C12orf42: variants seen among roughly 807,000 people sequenced by gnomAD.
C12orf42 encodes the protein uncharacterized protein C12orf42.
Under a neutral mutation model 21.6 loss-of-function variants are expected in C12orf42, and 25 were observed. The ratio of observed to expected loss-of-function variants is 1.16; its 90% confidence interval spans 0.84 to 1.62. The LOEUF (loss-of-function observed/expected upper bound fraction) is 1.62. Ranked by LOEUF, C12orf42 falls within the 40% of genes most tolerant of loss-of-function variation. C12orf42 has a pLI of 0.00. For missense variants in C12orf42, 483 were observed against 459.3 expected (o/e 1.05, Z -0.47); for synonymous variants, 174 against 175.0 (o/e 0.99, Z 0.05).
At chr12:103,200,735 T>A in the C12orf42 span, among the ~76,000 whole-genome samples, 1 of 152,356 alleles carries the variant, frequency 6.6e-6, no homozygotes, top group South Asian at 2.1e-4. Context: ...ATAACTTCTC[T>A]TAGTGGAAGT....
intron 2 of C12orf42, among the ~76,000 whole-genome samples, chr12:103,463,967 T>C (rs758996345): frequency 5.9e-5 from 9 of 152,204 alleles, no homozygotes; most frequent in Non-Finnish European, 1.2e-4. Context: ...CTTTACCCAG[T>C]CAATCATTGA....
At chr12:103,270,519 T>C (rs914079978) in intron 5 of C12orf42, among the ~76,000 whole-genome samples, 34 of 150,720 alleles carry the variant, frequency 2.3e-4, no homozygotes, top group Non-Finnish European at 4.6e-4. Context: ...TATTTATTTT[T>C]ATTTTTATTT....
At chr12:103,247,954 A>T (rs914328415) in intron 10 of C12orf42, among the ~76,000 whole-genome samples, 1 of 152,012 alleles carries the variant, frequency 6.6e-6, no homozygotes, top group African/African-American at 2.4e-5. Flanking sequence ...AGGCACTCTT[A>T]TTATGCCTAT....
chr12:103,551,055 C>A, the C12orf42 span, among the ~76,000 whole-genome samples: 1 of 151,906 alleles, frequency 6.6e-6, no homozygotes, highest in African/African-American at 2.4e-5. Flanking sequence ...AAATAGAATA[C>A]CTAAGAACTT....
At chr12:103,508,533 C>T in the C12orf42 span, among the ~76,000 whole-genome samples, 2 of 152,170 alleles carry the variant, frequency 1.3e-5, no homozygotes, top group African/African-American at 2.4e-5. Flanking sequence ...ATATGACTGA[C>T]GGTGTTGTAA....
chr12:103,477,311 C>T lies in C12orf42; in HGVS notation c.78+1038G>A, dbSNP rs145521164. Among the ~76,000 whole-genome samples the T allele has an allele frequency of 1.1e-3, 169 of 151,960 alleles. No individual in the cohort carries two copies. The Middle Eastern group carries it at 0.014, about 12-fold the overall frequency. On this transcript the variant is annotated intron_variant, in intron 2 of 5. Transcript: ENST00000548883. ...ATTGGAGTAAGCCATAAGAATCTCT[C>T]GGTGAAAGTGTTCTACTCCAAGAGA...
chr12:103,330,607 T>A (rs956847016), intron 4 of C12orf42, among the ~76,000 whole-genome samples: 2 of 152,194 alleles, frequency 1.3e-5, no homozygotes, highest in Non-Finnish European at 2.9e-5. Flanking sequence ...ACAAAGGCCA[T>A]TTGTCCGCTA....
chr12:103,278,122 C>T lies in C12orf42; in HGVS notation n.338-912G>A, dbSNP rs569976438. Among the ~76,000 whole-genome samples, 238 of 152,104 alleles carry T rather than the reference C, an allele frequency of 1.6e-3. 1 individual carries two copies. The highest frequency in any genetic ancestry group is 2.3e-3 in the Non-Finnish European group (158 of 67,994). ...CAAAAAGTGGATGGTAGGGAAGGAA[C>T]TTAACAAACTGATTCAAAAATGAAA... On this transcript the variant is annotated intron_variant and non_coding_transcript_variant, in intron 4 of 6. Coordinates refer to the C12orf42 transcript ENST00000546526.
the C12orf42 span, among the ~76,000 whole-genome samples, chr12:103,105,269 C>A: frequency 6.6e-6 from 1 of 151,896 alleles, no homozygotes; most frequent in South Asian, 2.1e-4. Flanking sequence ...GATGAGTACC[C>A]CCACAATTTC....
chr12:103,260,547 A>T (rs778579902), intron 10 of C12orf42, among the ~76,000 whole-genome samples: 1 of 152,250 alleles, frequency 6.6e-6, no homozygotes, highest in South Asian at 2.1e-4. Flanking sequence ...AAACTAGGAT[A>T]TGCTAACTAG....
At chr12:103,560,306 A>C in the C12orf42 span, among the ~76,000 whole-genome samples, 1 of 11,028 alleles carries the variant, frequency 9.1e-5, no homozygotes, top group South Asian at 1.2e-3. Context: ...ACTTGGAAGA[A>C]AGGAAGGGAA....
chr12:103,228,520 G>A, the C12orf42 span, among the ~76,000 whole-genome samples: 2 of 152,146 alleles, frequency 1.3e-5, no homozygotes, highest in Non-Finnish European at 2.9e-5. Flanking sequence ...AGTCACAGGG[G>A]ATGTGATGGC....
intron 4 of C12orf42, among the ~76,000 whole-genome samples, chr12:103,351,368 ATCT>A (rs2043086690): frequency 6.6e-6 from 1 of 152,000 alleles, no homozygotes; most frequent in South Asian, 2.1e-4. Context: ...CGGTCTGTAA[ATCT>A]TCTTCTACCA....
the C12orf42 span, among the ~76,000 whole-genome samples, chr12:103,069,446 T>G: frequency 6.6e-6 from 1 of 152,194 alleles, no homozygotes; most frequent in South Asian, 2.1e-4. Context: ...ACCTTAAACA[T>G]GCTCAGAACA....
At chr12:103,481,516 T>C (rs1207412801) in intron 1 of C12orf42, among the ~76,000 whole-genome samples, 1 of 151,958 alleles carries the variant, frequency 6.6e-6, no homozygotes, top group East Asian at 1.9e-4. Flanking sequence ...TCTTTCTAAA[T>C]TCTTTTTTTA....
At chr12:103,183,607 T>C in the C12orf42 span, among the ~76,000 whole-genome samples, 2 of 152,190 alleles carry the variant, frequency 1.3e-5, no homozygotes, top group African/African-American at 2.4e-5. Context: ...TTTCATTCTT[T>C]GGGTTTGATT....
chr12:103,219,523 C>T, the C12orf42 span, among the ~76,000 whole-genome samples: 1 of 152,054 alleles, frequency 6.6e-6, no homozygotes, highest in Non-Finnish European at 1.5e-5. Context: ...TGACAAAGGG[C>T]TAATATCCAG....
the C12orf42 span, among the ~76,000 whole-genome samples, chr12:103,171,807 T>C: frequency 6.6e-6 from 1 of 152,032 alleles, no homozygotes; most frequent in African/African-American, 2.4e-5. Context: ...CTTCTCTATA[T>C]TGGTATTATA....
the C12orf42 span, among the ~76,000 whole-genome samples, chr12:103,091,802 G>T: frequency 6.6e-6 from 1 of 152,048 alleles, no homozygotes; most frequent in African/African-American, 2.4e-5. Flanking sequence ...TTTTTTCCAA[G>T]ATTGAAACAA....
Sources: gnomAD v4.1 joint callset for allele counts (sites outside exome capture counted in the v4.1 genomes callset) on GRCh38, gnomAD v4.1.1 for gene constraint, MANE v1.5 for transcripts, NCBI Gene and HGNC (gene_info 2026-07-23, HGNC 2026-07-21) for gene names.